The following JAK1 variants were observed in gnomAD, a reference collection of about 807,000 sequenced individuals.
JAK1 encodes Janus kinase 1, also known as tyrosine-protein kinase JAK1.
JAK1 carries 16 observed loss-of-function variants against 136.6 expected under a neutral mutation model. The observed-to-expected ratio is 0.12, with a 90% CI of 0.08 to 0.18. The LOEUF (loss-of-function observed/expected upper bound fraction) is 0.18, where lower values mean the gene tolerates loss of function less well. JAK1 is among the 10% of genes least tolerant of loss of function. The pLI is 1.00. For synonymous variants in JAK1, 492 were observed against 519.5 expected, an observed-to-expected ratio of 0.95 and a Z score of 0.72; for missense variants, 859 against 1,450.1, an observed-to-expected ratio of 0.59 and a Z score of 6.62.
At chr1:65,051,219 A>G (rs189743641) in intron 1 of JAK1, among the ~76,000 whole-genome samples, 276 of 151,844 alleles carry the variant, frequency 1.8e-3, no homozygotes, top group African/African-American at 6.4e-3. Flanking sequence ...GTGAATGATG[A>G]TAAGTGGAAA....
chr1:65,023,857 C>T (rs988439046), intron 2 of JAK1, among the ~76,000 whole-genome samples: 2 of 151,592 alleles, frequency 1.3e-5, no homozygotes, highest in Admixed American at 1.3e-4. Flanking sequence ...TGGAGTCATA[C>T]CGTATTTATT....
intron 2 of JAK1, among the ~76,000 whole-genome samples, chr1:65,018,485 AG>A (rs1167998397): frequency 7.3e-4 from 95 of 129,466 alleles, no homozygotes; most frequent in East Asian, 2.3e-4. Flanking sequence ...AGAGAGAGAG[AG>A]AACACACACA....
chr1:65,061,693 A>G (rs1232047639), intron 1 of JAK1, among the ~76,000 whole-genome samples: 2 of 152,220 alleles, frequency 1.3e-5, no homozygotes, highest in Admixed American at 6.5e-5. Context: ...GAGATGTTAT[A>G]AACTGTCAGC....
chr1:64,853,772 T>TG (rs35545295), intron 11 of JAK1, among the ~76,000 whole-genome samples: 85,424 of 151,914 alleles, frequency 0.56, 26,340 homozygotes, highest in African/African-American at 0.82. Context: ...TCCTGCTACC[T>TG]GTTCACTTGA....
intron 20 of JAK1, among the ~76,000 whole-genome samples, chr1:64,839,339 T>C (rs1178570979): frequency 1.3e-5 from 2 of 152,108 alleles, no homozygotes; most frequent in African/African-American, 4.8e-5. Flanking sequence ...TAGGAATCAG[T>C]TTCATAAGGC....
intron 12 of JAK1, 59 bp downstream of exon 12, chr1:64,850,745 C>A: frequency 9.0e-7 from 1 of 1,115,186 alleles, no homozygotes; most frequent in East Asian, 2.4e-5. Flanking sequence ...GATCCCCAAG[C>A]TGCTCCATCG....
intron 1 of JAK1, among the ~76,000 whole-genome samples, chr1:64,896,746 GA>G (rs1489309464): frequency 6.6e-6 from 1 of 152,124 alleles, no homozygotes; most frequent in African/African-American, 2.4e-5. Flanking sequence ...CCGACCAAGC[GA>G]AAAGAGCACG....
chr1:64,968,931 C>CAAAA, upstream of JAK1, among the ~76,000 whole-genome samples: 1 of 64,044 alleles, frequency 1.6e-5, no homozygotes, highest in South Asian at 6.6e-4. Flanking sequence ...GACTCCCTCT[C>CAAAA]AAAAAAAAAA....
At chr1:65,041,188 G>C (rs949151988) in intron 2 of JAK1, among the ~76,000 whole-genome samples, 2 of 152,184 alleles carry the variant, frequency 1.3e-5, no homozygotes, top group African/African-American at 4.8e-5. Flanking sequence ...CAGCCAGCAA[G>C]AGCTCCTTAT....
At chr1:64,836,300 T>G in intron 22 of JAK1, 85 bp from the exon 23 acceptor site, 2 of 779,276 alleles carry the variant, frequency 2.6e-6, no homozygotes, top group Non-Finnish European at 4.5e-6. Flanking sequence ...AATCACCTCT[T>G]CGGTTTTTCT....
At chr1:64,837,852 T>C (rs1034191870) in intron 22 of JAK1, 80 bp downstream of exon 22, 1 of 1,227,298 alleles carries the variant, frequency 8.1e-7, no homozygotes, top group Non-Finnish European at 1.2e-6. Context: ...TGAGACACAT[T>C]AATATAGCCA....
intron 15 of JAK1, 144 bp from the exon 16 acceptor site, chr1:64,845,033 T>G (rs1655140637): frequency 1.2e-5 from 13 of 1,112,522 alleles, no homozygotes; most frequent in Admixed American, 2.2e-5. Context: ...TCTGTGTGAC[T>G]TAGGCACATC....
chr1:64,964,939 A>G (rs545323262), intron 1 of JAK1, among the ~76,000 whole-genome samples: 35 of 152,310 alleles, frequency 2.3e-4, no homozygotes, highest in African/African-American at 8.2e-4. Context: ...TGATCCTTCA[A>G]TGAAAATAAT....
rs11410336 is a variant in JAK1, at chr1:65,003,013, C to CTTT, written c.-78+41464_-78+41466dup. Among the ~76,000 whole-genome samples the CTTT allele has an allele frequency of 3.3e-4, 39 of 119,872 alleles. 1 individual carries two copies. Among genetic ancestry groups the CTTT allele is most frequent in the Middle Eastern group, 5.4e-3 (1 of 186 alleles). The allele number at this position is 119,872 out of a possible 152,430, so 78.6% of individuals were successfully genotyped here. A position where few individuals can be genotyped will look rare whatever the true frequency, so the allele number is the denominator to read the frequency against. On this transcript the variant is annotated intron_variant, in intron 2 of 25. Coordinates refer to the JAK1 transcript ENST00000671954. ...CCTCGCACGGCGTGAGACAACCTAG[C>CTTT]TTTTTTTTTTTTTTTTTTTTTAAGA...
At chr1:64,964,119 C>T (rs1646332310) in intron 1 of JAK1, among the ~76,000 whole-genome samples, 1 of 152,210 alleles carries the variant, frequency 6.6e-6, no homozygotes, top group Non-Finnish European at 1.5e-5. Flanking sequence ...GTTCCTTCTT[C>T]AGCGAGATTC....
At chr1:64,910,717 C>T (rs959240296) in intron 1 of JAK1, among the ~76,000 whole-genome samples, 12 of 151,894 alleles carry the variant, frequency 7.9e-5, no homozygotes, top group Non-Finnish European at 1.5e-4. Context: ...GCCTGTAGTC[C>T]CAGCTACTGA....
chr1:65,007,918 G>C (rs1192281750), intron 2 of JAK1, among the ~76,000 whole-genome samples: 1 of 151,160 alleles, frequency 6.6e-6, no homozygotes, highest in Non-Finnish European at 1.5e-5. Context: ...GCTAATTTTT[G>C]TATTTTTAGT....
At chr1:65,046,278 A>C (rs183471893) in intron 1 of JAK1, among the ~76,000 whole-genome samples, 11 of 152,180 alleles carry the variant, frequency 7.2e-5, no homozygotes, top group Admixed American at 6.5e-4. Context: ...GGTATGATGC[A>C]CTCCCAATAC....
intron 2 of JAK1, among the ~76,000 whole-genome samples, chr1:65,023,913 CTT>C (rs35481521): frequency 4.0e-3 from 472 of 119,266 alleles, no homozygotes; most frequent in East Asian, 7.1e-3. Context: ...TAGATTCATC[CTT>C]TTTTTTTTTT....
Sources: gnomAD v4.1 joint callset for allele counts (sites outside exome capture counted in the v4.1 genomes callset) on GRCh38, gnomAD v4.1.1 for gene constraint, MANE v1.5 for transcripts, NCBI Gene and HGNC (gene_info 2026-07-23, HGNC 2026-07-21) for gene names.